Variants in MAMSTR observed in about 807,000 individuals in gnomAD.
MAMSTR encodes MEF2-activating motif and SAP domain-containing transcriptional regulator.
MAMSTR carries 41 observed loss-of-function variants against 42.7 expected under a neutral mutation model. That is an observed-to-expected ratio of 0.96 (90% CI 0.75 to 1.25). The LOEUF (loss-of-function observed/expected upper bound fraction) is 1.25, where lower values mean the gene tolerates loss of function less well. Among genes scored for constraint, MAMSTR ranks in the 50% most tolerant of loss-of-function variants. The pLI is 0.00. For synonymous variants in MAMSTR, 265 were observed against 244.1 expected, an observed-to-expected ratio of 1.09 and a Z score of -0.80; for missense variants, 567 against 557.6, an observed-to-expected ratio of 1.02 and a Z score of -0.17.
chr19:48,715,239 G>T, intron 5 of MAMSTR, 23 bp downstream of exon 5: 1 of 1,563,624 alleles, frequency 6.4e-7, no homozygotes, highest in Non-Finnish European at 8.7e-7. Flanking sequence ...TGGGTCCCGG[G>T]AGAACAGAAG....
the MAMSTR span, among the ~76,000 whole-genome samples, chr19:48,706,723 T>A: frequency 2.6e-5 from 4 of 152,140 alleles, no homozygotes; most frequent in Non-Finnish European, 5.9e-5. Context: ...ATACATACTG[T>A]GCACCTATCA....
At chr19:48,706,302 A>G in the MAMSTR span, among the ~76,000 whole-genome samples, 3 of 102,978 alleles carry the variant, frequency 2.9e-5, no homozygotes, top group Non-Finnish European at 6.6e-5. Flanking sequence ...AAAAAAAAAA[A>G]TTCTTAAGAG....
chr19:48,716,853 G>A (rs967926825), intron 2 of MAMSTR, 110 bp from the exon 3 acceptor site: 1 of 1,247,790 alleles, frequency 8.0e-7, no homozygotes, highest in Admixed American at 4.2e-5. Context: ...TGCGTGCCCA[G>A]CCCCCTTACA....
chr19:48,716,966 C>A, intron 2 of MAMSTR: 1 of 1,170,128 alleles, frequency 8.5e-7, no homozygotes, highest in Non-Finnish European at 1.1e-6. Context: ...TCTGGGGCTA[C>A]GAGCCAGCCA....
chr19:48,717,183 G>A (rs1601256013), intron 2 of MAMSTR, among the ~76,000 whole-genome samples: 1 of 152,156 alleles, frequency 6.6e-6, no homozygotes, highest in East Asian at 1.9e-4. Context: ...CACATTTTCA[G>A]TATGCATCTC....
downstream of MAMSTR, among the ~76,000 whole-genome samples, chr19:48,708,353 C>T (rs970801260): frequency 9.2e-5 from 14 of 151,726 alleles, no homozygotes; most frequent in South Asian, 4.2e-4. Context: ...GGAGGGAGTA[C>T]GTTTATAATA....
At position 48,714,827 on chromosome 19, in the gene MAMSTR, G is replaced by T; in HGVS notation, c.507C>A (p.Thr169=). The T allele has an allele frequency of 6.2e-7, 1 of 1,611,536 alleles. No individual in the cohort carries two copies. The highest frequency in any genetic ancestry group is 8.5e-7 in the Non-Finnish European group (1 of 1,177,692). ...TCACCGTCAGCTCCTCCAGTTTAAG[G>T]GTCTGAAGTTCCAACTTGTGTGGGG... ...SPPPHKLELQ[T]LKLEELTVSE... Residue 169 remains threonine (T), a synonymous_variant, in exon 6 of 10, where the codon ACC becomes ACA. Transcript: ENST00000318083.
At chr19:48,717,572 T>C (rs927369934) in intron 2 of MAMSTR, among the ~76,000 whole-genome samples, 7 of 150,458 alleles carry the variant, frequency 4.7e-5, no homozygotes, top group African/African-American at 1.7e-4. Flanking sequence ...TCTCGCTCTG[T>C]CACCCAGGCT....
In MAMSTR at chr19:48,714,373, T is replaced by A; in HGVS notation, c.716A>T (p.Gln239Leu). 1 of 1,364,658 alleles carries A rather than the reference T, an allele frequency of 7.3e-7. No homozygotes were observed. The highest frequency in any genetic ancestry group is 1.8e-5 in the South Asian group (1 of 55,508). 84.5% of individuals were successfully genotyped at this position (1,364,658 alleles called of 1,614,324 possible). A position where few individuals can be genotyped will look rare whatever the true frequency, so the allele number is the denominator to read the frequency against. ...TCATAGCCCCGCCCTCACCGAGCCCTGACGCCGGGCGGCTGCCAGGGCCTT... is the reference window on the plus strand; with the variant it reads ...TCATAGCCCCGCCCTCACCGAGCCCAGACGCCGGGCGGCTGCCAGGGCCTT... Reference protein sequence around the residue: ...KPKALAAARRQGSVKPSAASH... With the variant: ...KPKALAAARRLGSVKPSAASH... The change falls in exon 7 of 10, where the codon CAG becomes CTG. Residue 239 changes from glutamine to leucine, a missense_variant. Coordinates refer to ENST00000318083, the MANE Select transcript of MAMSTR (RefSeq NM_001130915.2).
At position 48,714,513 on chromosome 19, in the gene MAMSTR, C is replaced by T; in HGVS notation, c.576G>A (p.Ser192=). The T allele has an allele frequency of 6.9e-7, 1 of 1,451,444 alleles. No homozygotes were observed. The highest frequency in any genetic ancestry group is 9.0e-7 in the Non-Finnish European group (1 of 1,115,078). 89.9% of individuals were successfully genotyped at this position (1,451,444 alleles called of 1,614,324 possible). Reference sequence around the variant, plus strand: ...GCTCCAGGAGCATAGACTTGGTCCCCGACACTGGGAGGCCCCGCAGGCGCA... The same window carrying T: ...GCTCCAGGAGCATAGACTTGGTCCCTGACACTGGGAGGCCCCGCAGGCGCA... ...QQLRLRGLPV[S]GTKSMLLERM... is the part of the protein sequence containing the mutation. The change falls in exon 7 of 10, where the codon TCG becomes TCA. Residue 192 remains serine, a synonymous_variant. Coordinates refer to ENST00000318083, the MANE Select transcript of MAMSTR (RefSeq NM_001130915.2).
intron 2 of MAMSTR, 147 bp downstream of exon 2, chr19:48,718,827 A>C: frequency 1.3e-6 from 1 of 748,952 alleles, no homozygotes; most frequent in East Asian, 2.8e-5. Flanking sequence ...CCACAGCCGG[A>C]CCCCTGTGCT....
At position 48,713,131 on chromosome 19, in the gene MAMSTR, G is replaced by A; in HGVS notation, c.*136C>T. 1 of 789,520 alleles carries A rather than the reference G, an allele frequency of 1.3e-6. No individual in the cohort carries two copies. Among genetic ancestry groups the A allele is most frequent in the Non-Finnish European group, 1.9e-6 (1 of 526,600 alleles). The allele number at this position is 789,520 out of a possible 1,614,324, so 48.9% of individuals were successfully genotyped here. A position where few individuals can be genotyped will look rare whatever the true frequency, so the allele number is the denominator to read the frequency against. ...CAGTTGCATGTCAGCAGCACTTCAG[G>A]AGGCAGGTGGGGTTGGAGGTTGTCT... On this transcript the variant is annotated 3_prime_UTR_variant, in exon 10 of 10. Transcript: ENST00000318083.
chr19:48,709,306 A>G (rs2032693416), downstream of MAMSTR, among the ~76,000 whole-genome samples: 1 of 151,816 alleles, frequency 6.6e-6, no homozygotes, highest in South Asian at 2.1e-4. Context: ...GCACCACCAC[A>G]CCCGGCTAAT....
At chr19:48,715,925 C>A (rs150769364) in intron 3 of MAMSTR, 158 bp from the exon 4 acceptor site, 5 of 1,420,718 alleles carry the variant, frequency 3.5e-6, no homozygotes, top group Admixed American at 6.8e-5. Flanking sequence ...GATCTGAGGG[C>A]GGAGGTGTGG....
At chr19:48,716,855 C>T in intron 2 of MAMSTR, 112 bp from the exon 3 acceptor site, 2 of 1,244,588 alleles carry the variant, frequency 1.6e-6, no homozygotes, top group Non-Finnish European at 2.0e-6. Context: ...CGTGCCCAGC[C>T]CCCTTACACA....
chr19:48,714,914 G>A lies in MAMSTR; in HGVS notation c.426-6C>T. Reference sequence around the variant, plus strand: ...TGAGGGGAGAGGGCTTCATCCTGGTGATAATCGTGAGGGGCGAACAAAGGT... The same window carrying A: ...TGAGGGGAGAGGGCTTCATCCTGGTAATAATCGTGAGGGGCGAACAAAGGT... On this transcript the variant is annotated splice_polypyrimidine_tract_variant and splice_region_variant and intron_variant, in intron 5 of 9. Transcript: ENST00000318083. 6.3e-7 allele frequency: 1 copy of A among 1,581,978 alleles called. No individual in the cohort carries two copies. Among genetic ancestry groups the A allele is most frequent in the Non-Finnish European group, 8.7e-7 (1 of 1,155,722 alleles).
At chr19:48,713,814 G>C in intron 8 of MAMSTR, 44 bp from the exon 9 acceptor site, 1 of 1,614,204 alleles carries the variant, frequency 6.2e-7, no homozygotes, top group Non-Finnish European at 8.5e-7. Context: ...CTGCGACCTG[G>C]ACCTGACTGG....
At chr19:48,711,344 C>T (rs1013433059), downstream of MAMSTR, among the ~76,000 whole-genome samples, 9 of 152,150 alleles carry the variant, frequency 5.9e-5, no homozygotes, top group Non-Finnish European at 1.3e-4. Flanking sequence ...CAGCTGGGCC[C>T]AGCCTTCATG....
chr19:48,715,357 C>T lies in MAMSTR; in HGVS notation c.330G>A (p.Gln110=). ...CGGCTTGGGGGTCCGCCCTGGATCC[C>T]TGTCTCGGCTCTGGGGGCATGTACT... is the stretch of plus-strand genomic sequence containing the variant. ...YHQYMPPEPR[Q]GSRADPQAEG... Residue 110 remains glutamine (Q), a synonymous_variant, in exon 5 of 10, where the codon CAG becomes CAA. Transcript: ENST00000318083. 2 of 1,548,056 alleles carry T rather than the reference C, an allele frequency of 1.3e-6. No homozygotes were observed. Among genetic ancestry groups the T allele is most frequent in the Non-Finnish European group, 1.7e-6 (2 of 1,155,058 alleles).
Sources: gnomAD v4.1 joint callset for allele counts (sites outside exome capture counted in the v4.1 genomes callset) on GRCh38, gnomAD v4.1.1 for gene constraint, MANE v1.5 for transcripts, NCBI Gene and HGNC (gene_info 2026-07-23, HGNC 2026-07-21) for gene names.